Variants in MDGA2 observed in about 807,000 individuals in gnomAD.
MDGA2 encodes MAM domain-containing glycosylphosphatidylinositol anchor protein 2.
Under a neutral mutation model 117.8 loss-of-function variants are expected in MDGA2, and 40 were observed. That is an observed-to-expected ratio of 0.34 (90% CI 0.26 to 0.44). The LOEUF (loss-of-function observed/expected upper bound fraction) is 0.44, where lower values mean the gene tolerates loss of function less well. Among genes scored for constraint, MDGA2 ranks in the 20% least tolerant of loss-of-function variants. The probability of loss-of-function intolerance (pLI) is 1.00; values close to 1 mark genes in which losing one functional copy is unlikely to be tolerated. For synonymous variants in MDGA2, 452 were observed against 439.0 expected, an observed-to-expected ratio of 1.03 and a Z score of -0.37; for missense variants, 1,123 against 1,250.6, an observed-to-expected ratio of 0.90 and a Z score of 1.54.
intron 3 of MDGA2, among the ~76,000 whole-genome samples, chr14:47,189,243 T>C (rs1291074483): frequency 6.6e-6 from 1 of 152,004 alleles, no homozygotes; most frequent in Non-Finnish European, 1.5e-5. Context: ...TACCCATACA[T>C]GCTCAGCCAC....
At chr14:47,003,648 A>T (rs1887611999) in intron 8 of MDGA2, among the ~76,000 whole-genome samples, 1 of 151,862 alleles carries the variant, frequency 6.6e-6, no homozygotes, top group South Asian at 2.1e-4. Context: ...TTTTTTTATA[A>T]TTTTCTCATC....
At chr14:47,153,164 G>C (rs1438725321) in intron 3 of MDGA2, among the ~76,000 whole-genome samples, 1 of 152,184 alleles carries the variant, frequency 6.6e-6, no homozygotes, top group Non-Finnish European at 1.5e-5. Context: ...GCTTTAGAAA[G>C]ATCATCCTAG....
At chr14:47,286,841 A>G (rs1175830751) in intron 2 of MDGA2, among the ~76,000 whole-genome samples, 1 of 121,638 alleles carries the variant, frequency 8.2e-6, no homozygotes, top group African/African-American at 2.7e-5. Flanking sequence ...ATATATGTAT[A>G]TATATATATA....
chr14:46,843,528 C>T (rs184010436), intron 16 of MDGA2, among the ~76,000 whole-genome samples: 1 of 152,032 alleles, frequency 6.6e-6, no homozygotes, highest in African/African-American at 2.4e-5. Flanking sequence ...TTTTCTAAAG[C>T]AGAACTAGAC....
At chr14:47,495,609 C>T (rs987040787) in intron 1 of MDGA2, among the ~76,000 whole-genome samples, 5 of 152,258 alleles carry the variant, frequency 3.3e-5, no homozygotes, top group Admixed American at 2.6e-4. Flanking sequence ...TTTATTTACT[C>T]CTCGTAGCCT....
rs562436815 is a variant in MDGA2, at chr14:47,042,255, G to A, written c.1526-6951C>T. ...AGATATAAACAAATGTAAAAAAGTA[G>A]GACTAAAGTAAGTAGTAAATTTGTA... On this transcript the variant is annotated intron_variant, in intron 7 of 16. Coordinates refer to ENST00000399232, the MANE Select transcript of MDGA2 (RefSeq NM_001113498.3). Among the ~76,000 whole-genome samples the A allele has an allele frequency of 1.5e-4, 23 of 150,826 alleles. 1 individual carries two copies. The South Asian group carries it at 4.8e-3, about 32-fold the overall frequency.
chr14:47,155,888 C>CT lies in MDGA2; in HGVS notation c.596-11615dup, dbSNP rs55827732. Reference sequence around the variant, plus strand: ...ATTCTTTTCTTTTCTTCTTCTTCTTCTTTTTTTTTTTTTTTTTTTTTTTTT... The same window carrying CT: ...ATTCTTTTCTTTTCTTCTTCTTCTTCTTTTTTTTTTTTTTTTTTTTTTTTTT... On this transcript the variant is annotated intron_variant, in intron 3 of 16. Coordinates refer to ENST00000399232, the MANE Select transcript of MDGA2 (RefSeq NM_001113498.3). Among the ~76,000 whole-genome samples the CT allele has an allele frequency of 1.1e-3, 46 of 40,174 alleles. 6 individuals carry two copies. The highest frequency in any genetic ancestry group is 2.0e-3 in the South Asian group (2 of 1,018). The allele number at this position is 40,174 out of a possible 152,430, so 26.4% of individuals were successfully genotyped here. A position where few individuals can be genotyped will look rare whatever the true frequency, so the allele number is the denominator to read the frequency against.
At chr14:47,657,422 T>C (rs1176188587) in intron 1 of MDGA2, among the ~76,000 whole-genome samples, 1 of 152,174 alleles carries the variant, frequency 6.6e-6, no homozygotes, top group Non-Finnish European at 1.5e-5. Context: ...ATCCATATAC[T>C]GAATAGCAAA....
chr14:47,157,595 ATGTGTGTGTGTGTGTGTGTGTGTGTGTG>A (rs55697311), intron 3 of MDGA2, among the ~76,000 whole-genome samples: 1 of 144,436 alleles, frequency 6.9e-6, no homozygotes, highest in Non-Finnish European at 1.5e-5. Context: ...ATGTACATAT[ATGTGTGTGTGTGTGTGTGTGTGTGTGTG>A]TGTGTGTGTG....
intron 1 of MDGA2, among the ~76,000 whole-genome samples, chr14:47,492,481 T>C (rs764201443): frequency 6.6e-6 from 1 of 152,070 alleles, no homozygotes; most frequent in Non-Finnish European, 1.5e-5. Context: ...TGTGTGTGGA[T>C]ATACATATAG....
At chr14:47,349,882 G>A (rs571945630) in intron 1 of MDGA2, among the ~76,000 whole-genome samples, 1 of 152,170 alleles carries the variant, frequency 6.6e-6, no homozygotes, top group Non-Finnish European at 1.5e-5. Context: ...TCCTTTGCCT[G>A]CTGCCTTCCA....
At chr14:47,451,988 C>T (rs1390164449) in intron 1 of MDGA2, among the ~76,000 whole-genome samples, 2 of 151,920 alleles carry the variant, frequency 1.3e-5, no homozygotes, top group Non-Finnish European at 2.9e-5. Flanking sequence ...TGAGGGATGC[C>T]ATTATGGAAA....
chr14:47,436,937 C>G (rs1483826156), intron 1 of MDGA2, among the ~76,000 whole-genome samples: 1 of 152,106 alleles, frequency 6.6e-6, no homozygotes, highest in Non-Finnish European at 1.5e-5. Context: ...GTGTGTTCAT[C>G]AAAGTTGTAT....
At chr14:47,039,738 G>T (rs1159662136) in intron 7 of MDGA2, among the ~76,000 whole-genome samples, 2 of 152,116 alleles carry the variant, frequency 1.3e-5, no homozygotes, top group Non-Finnish European at 2.9e-5. Context: ...TGATGTAATA[G>T]ACCTATATTT....
At chr14:47,384,015 A>AGATAGATAGATAGATAG (rs1555378184) in intron 1 of MDGA2, among the ~76,000 whole-genome samples, 3 of 109,884 alleles carry the variant, frequency 2.7e-5, no homozygotes, top group African/African-American at 1.1e-4. Context: ...ATAGATAGAT[A>AGATAGATAGATAGATAG]ATAGATAGAT....
intron 5 of MDGA2, among the ~76,000 whole-genome samples, chr14:47,098,142 A>T (rs1880084782): frequency 6.6e-6 from 1 of 151,900 alleles, no homozygotes; most frequent in South Asian, 2.1e-4. Context: ...GGAAATATTT[A>T]AACTGTTCAA....
At chr14:47,200,924 A>G (rs1594718147) in intron 3 of MDGA2, 1 of 841,134 alleles carries the variant, frequency 1.2e-6, no homozygotes, top group East Asian at 2.4e-5. Flanking sequence ...CTTGTGGGGC[A>G]GCAAGCCTCG....
chr14:47,569,699 T>C (rs1353375982), intron 1 of MDGA2, among the ~76,000 whole-genome samples: 6 of 152,192 alleles, frequency 3.9e-5, no homozygotes, highest in Non-Finnish European at 8.8e-5. Context: ...AGAATTTCCA[T>C]TACTACAGCT....
At chr14:47,595,738 T>G (rs1007769381) in intron 1 of MDGA2, among the ~76,000 whole-genome samples, 1 of 152,104 alleles carries the variant, frequency 6.6e-6, no homozygotes, top group African/African-American at 2.4e-5. Flanking sequence ...AATGAGTCAC[T>G]GGGAAAGTGC....
Sources: allele counts gnomAD v4.1 joint callset (sites outside exome capture counted in the v4.1 genomes callset), GRCh38; gene constraint gnomAD v4.1.1; transcripts MANE v1.5; gene names NCBI Gene and HGNC (gene_info 2026-07-23, HGNC 2026-07-21).